Variants in SGMS2 observed in about 807,000 individuals in gnomAD.
SGMS2 encodes the protein phosphatidylcholine:ceramide cholinephosphotransferase 2.
In SGMS2, 21 loss-of-function variants were observed where a neutral mutation model predicts 43.8. The ratio of observed to expected loss-of-function variants is 0.48; its 90% CI spans 0.34 to 0.69. The LOEUF is 0.69. Ranked by LOEUF, SGMS2 falls within the 30% of genes least tolerant of loss-of-function variation. The probability of loss-of-function intolerance (pLI) is 0.01; values close to 1 mark genes in which losing one functional copy is unlikely to be tolerated. For synonymous variants in SGMS2, 167 were observed against 160.6 expected, an observed-to-expected ratio of 1.04 and a Z score of -0.30; for missense variants, 384 against 443.2, an observed-to-expected ratio of 0.87 and a Z score of 1.20.
intron 2 of SGMS2, among the ~76,000 whole-genome samples, chr4:107,876,491 C>G (rs746526060): frequency 7.9e-5 from 12 of 152,154 alleles, no homozygotes; most frequent in African/African-American, 1.7e-4. Context: ...TTCCATTGCA[C>G]TAGTAAACAG....
At chr4:107,891,515 C>G (rs1051275279) in intron 2 of SGMS2, among the ~76,000 whole-genome samples, 1 of 151,992 alleles carries the variant, frequency 6.6e-6, no homozygotes, top group African/African-American at 2.4e-5. Context: ...GGGGTGATAC[C>G]TGAGGTTCAT....
intron 4 of SGMS2, among the ~76,000 whole-genome samples, chr4:107,900,550 CT>C (rs1731036543): frequency 6.6e-6 from 1 of 152,160 alleles, no homozygotes; most frequent in Admixed American, 6.5e-5. Flanking sequence ...TGGCCTTTGA[CT>C]GAGATAGTGT....
At chr4:107,857,448 T>G (rs987824333) in intron 1 of SGMS2, among the ~76,000 whole-genome samples, 3 of 151,872 alleles carry the variant, frequency 2.0e-5, no homozygotes, top group Non-Finnish European at 4.4e-5. Flanking sequence ...GGATCTCAAC[T>G]AAAAATCGAT....
chr4:107,883,548 T>A (rs1158068631), intron 2 of SGMS2, among the ~76,000 whole-genome samples: 1 of 152,188 alleles, frequency 6.6e-6, no homozygotes, highest in East Asian at 1.9e-4. Flanking sequence ...ACTACTGACT[T>A]CAGGTGATCT....
intron 1 of SGMS2, among the ~76,000 whole-genome samples, chr4:107,853,492 G>A (rs982681401): frequency 2.6e-5 from 4 of 151,998 alleles, no homozygotes; most frequent in Non-Finnish European, 5.9e-5. Context: ...CATATCCATG[G>A]ACTCTGCTTC....
chr4:107,890,703 G>A (rs953511067), intron 2 of SGMS2, among the ~76,000 whole-genome samples: 2 of 151,182 alleles, frequency 1.3e-5, no homozygotes, highest in Non-Finnish European at 2.9e-5. Context: ...ACAAGGTCCT[G>A]GGGGAGAAAA....
In SGMS2 at chr4:107,895,765, A is replaced by C; in HGVS notation, c.212A>C (p.Lys71Thr). Reference sequence around the variant, plus strand: ...GCTATGCCCACTGAATCAAGGAACAAATTTCCACTAGAGTGGTGGAAAACG... The same window carrying C: ...GCTATGCCCACTGAATCAAGGAACACATTTCCACTAGAGTGGTGGAAAACG... ...QIAMPTESRN[K>T]FPLEWWKTGI... The change falls in exon 3 of 7, where the codon AAA becomes ACA. Residue 71 changes from lysine to threonine, a missense_variant. By Grantham distance (78) the Lys-to-Thr change is moderately conservative. Coordinates refer to ENST00000690982, the MANE Select transcript of SGMS2 (RefSeq NM_001375905.1). 6.2e-7 allele frequency: 1 copy of C among 1,613,956 alleles called. No homozygotes were observed. Among genetic ancestry groups the C allele is most frequent in the Non-Finnish European group, 8.5e-7 (1 of 1,179,944 alleles).
In SGMS2 at chr4:107,912,090, G is replaced by T. The variant is rs1732161886; in HGVS notation, c.*1537G>T. ...TCCCCAAATGTATCATTATAAACTA[G>T]TCAGCCTTGACTACACAAAATTGAC... On this transcript the variant is annotated 3_prime_UTR_variant, in exon 7 of 7. Coordinates refer to ENST00000690982, the MANE Select transcript of SGMS2 (RefSeq NM_001375905.1). 1 of 152,088 alleles carries T rather than the reference G, an allele frequency of 6.6e-6. No individual in the cohort carries two copies. The highest frequency in any genetic ancestry group is 6.6e-5 in the Admixed American group (1 of 15,244). The allele number at this position is 152,088 out of a possible 1,614,324, so 9.4% of individuals were successfully genotyped here.
chr4:107,870,546 C>T (rs10005091), intron 2 of SGMS2, among the ~76,000 whole-genome samples: 82,998 of 151,904 alleles, frequency 0.55, 23,754 homozygotes, highest in African/African-American at 0.68. Context: ...TCATTCCTTT[C>T]CTTTAAAGAT....
intron 2 of SGMS2, among the ~76,000 whole-genome samples, chr4:107,888,643 G>A (rs1327604195): frequency 2.6e-5 from 4 of 151,582 alleles, no homozygotes; most frequent in Non-Finnish European, 4.4e-5. Flanking sequence ...TACATCTCTT[G>A]TATTTCCTGG....
intron 5 of SGMS2, among the ~76,000 whole-genome samples, chr4:107,905,736 C>T (rs889109120): frequency 4.6e-5 from 7 of 152,166 alleles, no homozygotes; most frequent in African/African-American, 1.2e-4. Flanking sequence ...CTAACTCTAT[C>T]GTATTGCCAA....
At chr4:107,880,618 G>A (rs1403703643) in intron 2 of SGMS2, among the ~76,000 whole-genome samples, 1 of 152,074 alleles carries the variant, frequency 6.6e-6, no homozygotes, top group Non-Finnish European at 1.5e-5. Flanking sequence ...CACTTTAGGA[G>A]GCTGAGATGG....
intron 2 of SGMS2, among the ~76,000 whole-genome samples, chr4:107,887,920 C>A (rs984994387): frequency 6.6e-6 from 1 of 152,090 alleles, no homozygotes; most frequent in Non-Finnish European, 1.5e-5. Context: ...ACCTTTATAA[C>A]CTTTATTAAG....
chr4:107,845,819 G>C (rs1214201055), intron 1 of SGMS2, among the ~76,000 whole-genome samples: 4 of 152,146 alleles, frequency 2.6e-5, no homozygotes, highest in East Asian at 1.9e-4. Flanking sequence ...GAGGGATAAG[G>C]CGTGTCCTGC....
intron 6 of SGMS2, among the ~76,000 whole-genome samples, chr4:107,908,952 C>T (rs966316092): frequency 1.3e-5 from 2 of 152,128 alleles, no homozygotes; most frequent in African/African-American, 4.8e-5. Flanking sequence ...CAGTGCATTG[C>T]TAATTCAGGT....
intron 2 of SGMS2, chr4:107,864,592 G>A (rs1329881048): frequency 6.6e-6 from 1 of 152,076 alleles, no homozygotes; most frequent in Non-Finnish European, 1.5e-5. Context: ...CAGCTATAGA[G>A]ATTTCTTTAA....
intron 2 of SGMS2, among the ~76,000 whole-genome samples, chr4:107,879,242 C>A (rs1729159108): frequency 6.6e-6 from 1 of 151,756 alleles, no homozygotes; most frequent in African/African-American, 2.4e-5. Flanking sequence ...TTTTAGAGCA[C>A]AGTTTACACA....
intron 1 of SGMS2, among the ~76,000 whole-genome samples, chr4:107,836,048 T>C (rs1242909151): frequency 6.6e-6 from 1 of 152,244 alleles, no homozygotes; most frequent in African/African-American, 2.4e-5. Flanking sequence ...TAGCCTAGTA[T>C]ACCAAAATAT....
Position 107,825,620 on chromosome 4 carries a change from CTTTTTTT to C in SGMS2, c.-327+382_-327+388del, listed in dbSNP as rs201101875. On this transcript the variant is annotated intron_variant, in intron 1 of 6. Transcript: ENST00000690982. ...TGTGTGTGGTTTTTCTTTTCTTTCTCTTTTTTTTTTTTTTTTTTTTTGAGAGGCACTT... is the reference window on the plus strand; with the variant it reads ...TGTGTGTGGTTTTTCTTTTCTTTCTCTTTTTTTTTTTTTTGAGAGGCACTT... Among the ~76,000 whole-genome samples the C allele has an allele frequency of 6.3e-3, 730 of 116,268 alleles. 3 individuals are homozygous for C. Among genetic ancestry groups the C allele is most frequent in the South Asian group, 0.011 (42 of 3,752 alleles). 76.3% of individuals were successfully genotyped at this position (116,268 alleles called of 152,430 possible). A position where few individuals can be genotyped will look rare whatever the true frequency, so the allele number is the denominator to read the frequency against.
Sources: gnomAD v4.1 joint callset for allele counts (sites outside exome capture counted in the v4.1 genomes callset) on GRCh38, gnomAD v4.1.1 for gene constraint, MANE v1.5 for transcripts, NCBI Gene and HGNC (gene_info 2026-07-23, HGNC 2026-07-21) for gene names.